SLC39A11: variants seen among roughly 807,000 people sequenced by gnomAD.
SLC39A11 encodes zinc transporter ZIP11.
SLC39A11 carries 33 observed loss-of-function variants against 36.1 expected under a neutral mutation model. That is an observed-to-expected ratio of 0.91 (90% CI 0.69 to 1.22). The LOEUF (loss-of-function observed/expected upper bound fraction) is 1.22, where lower values mean the gene tolerates loss of function less well. Ranked by LOEUF, SLC39A11 falls within the 50% of genes most tolerant of loss-of-function variation. SLC39A11 has a pLI of 0.00. For missense variants in SLC39A11, 432 were observed against 430.3 expected (o/e 1.00, Z -0.03); for synonymous variants, 166 against 170.3 (o/e 0.97, Z 0.20).
chr17:72,999,646 G>C lies in SLC39A11; in HGVS notation c.306+31910C>G, dbSNP rs528177951. On this transcript the variant is annotated intron_variant, in intron 4 of 9. Coordinates refer to ENST00000255559, the MANE Select transcript of SLC39A11 (RefSeq NM_139177.4). ...TTGCAGACTCCTCTGAGGAGCCACG[G>C]AAGGCAACAGGTCCATTTCCTGCTG... Among the ~76,000 whole-genome samples, 6 of 152,326 alleles carry C rather than the reference G, an allele frequency of 3.9e-5. No individual in the cohort carries two copies. In the South Asian group the frequency reaches 1.2e-3, roughly 32 times the overall value.
At chr17:72,704,088 A>T (rs1174110911) in intron 7 of SLC39A11, among the ~76,000 whole-genome samples, 2 of 152,228 alleles carry the variant, frequency 1.3e-5, no homozygotes, top group Non-Finnish European at 2.9e-5. Flanking sequence ...CGATCATGCC[A>T]CTGTACTCTA....
chr17:72,709,575 A>T (rs765628848), intron 7 of SLC39A11, among the ~76,000 whole-genome samples: 2 of 152,250 alleles, frequency 1.3e-5, no homozygotes, highest in Non-Finnish European at 2.9e-5. Flanking sequence ...AGAAAAAGGT[A>T]TTCAATGGAC....
intron 7 of SLC39A11, among the ~76,000 whole-genome samples, chr17:72,679,211 T>C (rs1207809394): frequency 6.6e-6 from 1 of 152,092 alleles, no homozygotes; most frequent in Non-Finnish European, 1.5e-5. Flanking sequence ...TTTGACAGTA[T>C]AGTAGGGAAA....
chr17:72,770,443 C>T (rs1237674856), intron 6 of SLC39A11, among the ~76,000 whole-genome samples: 1 of 152,200 alleles, frequency 6.6e-6, no homozygotes, highest in East Asian at 1.9e-4. Flanking sequence ...TTTTAGAGGA[C>T]ACTTTTGGCT....
intron 4 of SLC39A11, among the ~76,000 whole-genome samples, chr17:73,003,496 C>A (rs1414949839): frequency 6.6e-6 from 1 of 152,128 alleles, no homozygotes; most frequent in East Asian, 1.9e-4. Flanking sequence ...AGAGAGGAGG[C>A]AGACAAGACC....
At chr17:73,017,247 A>G (rs1184557044) in intron 4 of SLC39A11, among the ~76,000 whole-genome samples, 1 of 152,194 alleles carries the variant, frequency 6.6e-6, no homozygotes, top group Non-Finnish European at 1.5e-5. Context: ...AGTAAAATAT[A>G]TAAAGCAACT....
intron 4 of SLC39A11, among the ~76,000 whole-genome samples, chr17:72,974,722 T>C (rs977582798): frequency 6.6e-6 from 1 of 152,232 alleles, no homozygotes; most frequent in Non-Finnish European, 1.5e-5. Context: ...AGTAATGTCC[T>C]AGGCCTTCAC....
intron 4 of SLC39A11, among the ~76,000 whole-genome samples, chr17:72,963,422 A>G (rs919729957): frequency 9.9e-5 from 15 of 151,892 alleles, no homozygotes; most frequent in Non-Finnish European, 1.3e-4. Flanking sequence ...CGCCCACCTC[A>G]GCCTCCCAAA....
At chr17:72,906,531 A>G (rs1377108117) in intron 5 of SLC39A11, among the ~76,000 whole-genome samples, 1 of 152,246 alleles carries the variant, frequency 6.6e-6, no homozygotes, top group East Asian at 1.9e-4. Flanking sequence ...CTCCTGACCC[A>G]GCACCTGGAA....
chr17:73,067,882 A>T (rs2060043860), intron 3 of SLC39A11: 8 of 1,607,308 alleles, frequency 5.0e-6, no homozygotes, highest in Non-Finnish European at 6.8e-6. Context: ...CCCATGCCTG[A>T]GACTTGCAGT....
intron 5 of SLC39A11, among the ~76,000 whole-genome samples, chr17:72,900,139 A>AAAG (rs1555622328): frequency 0.017 from 1,420 of 83,008 alleles, 277 homozygotes; most frequent in African/African-American, 0.13. Flanking sequence ...AGAAAGAAAG[A>AAAG]AAAAGAAAGA....
At chr17:72,799,560 G>C (rs1414350202) in intron 6 of SLC39A11, among the ~76,000 whole-genome samples, 1 of 152,050 alleles carries the variant, frequency 6.6e-6, no homozygotes, top group African/African-American at 2.4e-5. Context: ...CCTGGGAAAG[G>C]AATGCATTCC....
intron 6 of SLC39A11, chr17:72,839,840 G>A (rs2145843671): frequency 6.6e-6 from 1 of 152,322 alleles, no homozygotes; most frequent in Non-Finnish European, 1.5e-5. Flanking sequence ...GTTAGGTGAT[G>A]GTAACTCCTT....
At chr17:72,811,324 C>T (rs2077428842) in intron 6 of SLC39A11, among the ~76,000 whole-genome samples, 1 of 152,172 alleles carries the variant, frequency 6.6e-6, no homozygotes, top group Non-Finnish European at 1.5e-5. Context: ...AGGGCCCCAC[C>T]ATTATGACCT....
At chr17:72,946,689 G>T (rs2085449952) in intron 5 of SLC39A11, among the ~76,000 whole-genome samples, 1 of 152,106 alleles carries the variant, frequency 6.6e-6, no homozygotes, top group Non-Finnish European at 1.5e-5. Flanking sequence ...GGTCTTGCAG[G>T]ATTAAATGGG....
chr17:72,849,851 G>C (rs2079223949), intron 5 of SLC39A11, 47 bp from the exon 6 acceptor site: 1 of 1,474,960 alleles, frequency 6.8e-7, no homozygotes, highest in Non-Finnish European at 9.0e-7. Context: ...ACAGCGCTTT[G>C]AACATGTGCA....
chr17:73,031,697 G>A lies in SLC39A11; in HGVS notation c.165C>T (p.Ser55=). 2 of 1,613,784 alleles carry A rather than the reference G, an allele frequency of 1.2e-6. No individual in the cohort carries two copies. The highest frequency in any genetic ancestry group is 2.2e-5 in the South Asian group (2 of 91,066). Residue 55 remains serine (S), a synonymous_variant, in exon 4 of 10, where the codon TCC becomes TCT. Coordinates refer to ENST00000255559, the MANE Select transcript of SLC39A11 (RefSeq NM_139177.4). ...CTGCTGGGGCCAGAAGAGACCAATA[G>A]GAAGCTGCCAACATGACCTACAAAA... ...GFAAGVMLAA[S]YWSLLAPAVE...
intron 6 of SLC39A11, among the ~76,000 whole-genome samples, chr17:72,790,255 G>A (rs2076654321): frequency 6.6e-6 from 1 of 152,116 alleles, no homozygotes; most frequent in Non-Finnish European, 1.5e-5. Flanking sequence ...ATCCCAGGGG[G>A]TTTCTGGTTG....
intron 7 of SLC39A11, among the ~76,000 whole-genome samples, chr17:72,655,427 C>T (rs189929936): frequency 6.6e-6 from 1 of 152,352 alleles, no homozygotes; most frequent in Admixed American, 6.5e-5. Context: ...ACAGGGAGCA[C>T]CGGCAAATGC....
Sources: allele counts gnomAD v4.1 joint callset (sites outside exome capture counted in the v4.1 genomes callset), GRCh38; gene constraint gnomAD v4.1.1; transcripts MANE v1.5; gene names NCBI Gene and HGNC (gene_info 2026-07-23, HGNC 2026-07-21).